The following STK32B variants were observed in gnomAD, a reference collection of about 807,000 sequenced individuals.
STK32B encodes serine/threonine kinase 32B.
STK32B carries 43 observed loss-of-function variants against 52.6 expected under a neutral mutation model. That is an observed-to-expected ratio of 0.82 (90% CI 0.64 to 1.05). The LOEUF (loss-of-function observed/expected upper bound fraction) is 1.05, where lower values mean the gene tolerates loss of function less well. Among genes scored for constraint, STK32B ranks in the 50% least tolerant of loss-of-function variants. The pLI is 0.00. For synonymous variants in STK32B, 238 were observed against 204.3 expected (o/e 1.17, Z -1.41); for missense variants, 621 against 534.6 (o/e 1.16, Z -1.59).
intron 3 of STK32B, among the ~76,000 whole-genome samples, chr4:5,300,835 A>G (rs1019266860): frequency 1.3e-5 from 2 of 152,192 alleles, no homozygotes; most frequent in African/African-American, 4.8e-5. Flanking sequence ...GATTGGAAGA[A>G]TCGATATTGT....
At chr4:5,150,448 G>T (rs572618202) in intron 2 of STK32B, among the ~76,000 whole-genome samples, 17 of 152,104 alleles carry the variant, frequency 1.1e-4, no homozygotes, top group African/African-American at 4.1e-4. Flanking sequence ...GGACATTGTG[G>T]GTGTTATTTT....
At chr4:5,366,286 G>A (rs959630529) in intron 4 of STK32B, among the ~76,000 whole-genome samples, 1 of 152,188 alleles carries the variant, frequency 6.6e-6, no homozygotes, top group African/African-American at 2.4e-5. Flanking sequence ...TGAGACTTGG[G>A]TGTGTTCCTT....
chr4:5,143,311 A>G (rs1716649601), intron 2 of STK32B, among the ~76,000 whole-genome samples: 1 of 152,194 alleles, frequency 6.6e-6, no homozygotes, highest in Non-Finnish European at 1.5e-5. Context: ...ACTGTTTCAC[A>G]TGAGTTTACT....
chr4:5,446,684 T>A lies in STK32B; in HGVS notation c.574T>A (p.Phe192Ile). Residue 192 changes from phenylalanine to isoleucine, a missense_variant, in exon 7 of 12, where the codon TTC (phenylalanine) becomes ATC (isoleucine). By Grantham distance (21) the Phe-to-Ile change is conservative. Transcript: ENST00000282908. Reference protein sequence around the residue: ...GTKPYMAPEVFQVYMDRGPGY... With the variant: ...GTKPYMAPEVIQVYMDRGPGY... ...CCTCTCGTTGGCAGCTCCAGAAGTA[T>A]TCCAGGTGTACATGGACAGAGGCCC... 1.2e-6 allele frequency: 2 copies of A among 1,613,942 alleles called. No homozygotes were observed. The highest frequency in any genetic ancestry group is 4.5e-5 in the East Asian group (2 of 44,876).
chr4:5,116,192 A>G (rs1714707054), intron 1 of STK32B, among the ~76,000 whole-genome samples: 1 of 152,042 alleles, frequency 6.6e-6, no homozygotes, highest in African/African-American at 2.4e-5. Flanking sequence ...ACGCACACAC[A>G]CACACACACG....
chr4:5,403,467 T>A (rs1323380408), intron 5 of STK32B, among the ~76,000 whole-genome samples: 1 of 152,140 alleles, frequency 6.6e-6, no homozygotes, highest in African/African-American at 2.4e-5. Context: ...TGCTTCCCTG[T>A]CTCCCCTGCC....
At chr4:5,459,440 C>T (rs968098963) in intron 8 of STK32B, among the ~76,000 whole-genome samples, 8 of 152,348 alleles carry the variant, frequency 5.3e-5, no homozygotes, top group Non-Finnish European at 7.3e-5. Context: ...AAGGTCACAG[C>T]TGTTAAATGA....
chr4:5,449,078 A>G (rs1386869932), intron 7 of STK32B, among the ~76,000 whole-genome samples: 3 of 152,214 alleles, frequency 2.0e-5, no homozygotes, highest in Non-Finnish European at 4.4e-5. Flanking sequence ...ACGGTGACTC[A>G]GATCTGTAAT....
intron 2 of STK32B, among the ~76,000 whole-genome samples, chr4:5,150,832 CA>C (rs1379117679): frequency 1.3e-5 from 2 of 152,058 alleles, no homozygotes; most frequent in African/African-American, 4.8e-5. Context: ...CTGAACTTAA[CA>C]AAACAAAAAT....
At chr4:5,160,207 C>G (rs1718327862) in intron 2 of STK32B, among the ~76,000 whole-genome samples, 1 of 152,194 alleles carries the variant, frequency 6.6e-6, no homozygotes. Context: ...CCTTCTTGGG[C>G]CGCTTTGCAC....
chr4:5,457,367 C>T (rs921952453), intron 8 of STK32B, among the ~76,000 whole-genome samples: 3 of 151,552 alleles, frequency 2.0e-5, no homozygotes, highest in East Asian at 2.0e-4. Context: ...AGGCACCCGC[C>T]AACACGCCCG....
At chr4:5,485,436 TATCA>T (rs1719078110) in intron 11 of STK32B, among the ~76,000 whole-genome samples, 1 of 152,172 alleles carries the variant, frequency 6.6e-6, no homozygotes, top group African/African-American at 2.4e-5. Context: ...TTTTCAGCTC[TATCA>T]GGTCCTTTAA....
Position 5,307,967 on chromosome 4 carries a change from A to G in STK32B, c.261-23253A>G, listed in dbSNP as rs140672183. ...TACTGGGAAGTGTCTGCAGAGTTCT[A>G]TGATGTGATCCATCTTCAGGTTTCT... On this transcript the variant is annotated intron_variant, in intron 3 of 11. Coordinates refer to ENST00000282908, the MANE Select transcript of STK32B (RefSeq NM_018401.3). Among the ~76,000 whole-genome samples the G allele has an allele frequency of 3.7e-3, 561 of 152,156 alleles. 12 individuals are homozygous for G. The East Asian group carries it at 0.069, about 19-fold the overall frequency.
At chr4:5,138,175 A>T (rs1247516822) in intron 1 of STK32B, among the ~76,000 whole-genome samples, 2 of 152,206 alleles carry the variant, frequency 1.3e-5, no homozygotes, top group Non-Finnish European at 2.9e-5. Flanking sequence ...TCAAAGAACC[A>T]AGGTTTTAGT....
intron 2 of STK32B, among the ~76,000 whole-genome samples, chr4:5,143,224 G>A (rs192975957): frequency 2.6e-4 from 39 of 152,284 alleles, no homozygotes; most frequent in Admixed American, 4.6e-4. Flanking sequence ...ACAAGAGCAT[G>A]TGCAGGCTCC....
At chr4:5,022,648 A>G in the STK32B span, among the ~76,000 whole-genome samples, 2 of 152,182 alleles carry the variant, frequency 1.3e-5, no homozygotes, top group African/African-American at 2.4e-5. Context: ...TCGGGCACGG[A>G]CCCCATCATG....
chr4:5,432,881 T>G (rs1024201525), intron 6 of STK32B, among the ~76,000 whole-genome samples: 1 of 152,164 alleles, frequency 6.6e-6, no homozygotes, highest in Non-Finnish European at 1.5e-5. Context: ...ACAATAAGAT[T>G]TTGTAGCAGA....
rs777644792 is a variant in STK32B at position 5,058,836 on chromosome 4, T to C, written c.52+6921T>C. On this transcript the variant is annotated intron_variant, in intron 1 of 11. Coordinates refer to ENST00000282908, the MANE Select transcript of STK32B (RefSeq NM_018401.3). The surrounding 1 kb of genome is among the most constrained non-coding windows in gnomAD (Gnocchi z 4.8). ...CGTGGTATCAGCTCACTGCAACCTCTGCCTCCCAGGTTCAAGCGATTCTCA... is the reference window on the plus strand; with the variant it reads ...CGTGGTATCAGCTCACTGCAACCTCCGCCTCCCAGGTTCAAGCGATTCTCA... Among the ~76,000 whole-genome samples, 11 of 152,128 alleles carry C rather than the reference T, an allele frequency of 7.2e-5. No homozygotes were observed. The highest frequency in any genetic ancestry group is 1.2e-4 in the Non-Finnish European group (8 of 68,004).
chr4:5,052,726 C>G (rs1487333067), intron 1 of STK32B, among the ~76,000 whole-genome samples: 1 of 152,152 alleles, frequency 6.6e-6, no homozygotes, highest in African/African-American at 2.4e-5. Flanking sequence ...TGAAAAGTGC[C>G]TTATAAATGC....
Sources: gnomAD v4.1 joint callset for allele counts (sites outside exome capture counted in the v4.1 genomes callset) on GRCh38, gnomAD v4.1.1 for gene constraint, Gnocchi (gnomAD v3.1) non-coding constraint, MANE v1.5 for transcripts, NCBI Gene and HGNC (gene_info 2026-07-23, HGNC 2026-07-21) for gene names.